Variants in SAMSN1 observed in about 807,000 individuals in gnomAD.
SAMSN1 encodes the protein SAM domain, SH3 domain and nuclear localization signals 1, also known as SAM domain-containing protein SAMSN-1.
In SAMSN1, 31 loss-of-function variants were observed where a neutral mutation model predicts 42.0. The observed-to-expected ratio is 0.74, with a 90% CI of 0.55 to 1.00. The LOEUF is 1.00. Ranked by LOEUF, SAMSN1 falls within the 50% of genes least tolerant of loss-of-function variation. The pLI is 0.00. For missense variants in SAMSN1, 464 were observed against 439.4 expected (o/e 1.06, Z -0.50); for synonymous variants, 178 against 151.9 (o/e 1.17, Z -1.26).
At chr21:14,530,282 G>C (rs1028390489) in intron 1 of SAMSN1, among the ~76,000 whole-genome samples, 5 of 134,936 alleles carry the variant, frequency 3.7e-5, no homozygotes, top group Non-Finnish European at 7.6e-5. Flanking sequence ...GAGCCAATGC[G>C]CTCCAGCCTG....
intron 7 of SAMSN1, among the ~76,000 whole-genome samples, chr21:14,487,828 G>T (rs1986502028): frequency 6.6e-6 from 1 of 152,034 alleles, no homozygotes; most frequent in Non-Finnish European, 1.5e-5. Flanking sequence ...ACTAGTTCTA[G>T]ATATAAGATG....
At position 14,512,357 on chromosome 21, in the gene SAMSN1, C is replaced by T; in HGVS notation, c.409+87G>A. 5 of 1,395,402 alleles carry T rather than the reference C, an allele frequency of 3.6e-6. No individual in the cohort carries two copies. In the African/African-American group the frequency reaches 4.3e-5, roughly 12 times the overall value. 86.4% of individuals were successfully genotyped at this position (1,395,402 alleles called of 1,614,324 possible). On this transcript the variant is annotated intron_variant, in intron 4 of 7. Transcript: ENST00000400566. ...CATTTCTCTTATCAAGTAGCTGGAACCTTGTGGCTGATTTAACTTGTTGTT... is the reference window on the plus strand; with the variant it reads ...CATTTCTCTTATCAAGTAGCTGGAATCTTGTGGCTGATTTAACTTGTTGTT...
chr21:14,552,407 G>A (rs1236333797), intron 2 of SAMSN1, among the ~76,000 whole-genome samples: 1 of 152,048 alleles, frequency 6.6e-6, no homozygotes, highest in Admixed American at 6.6e-5. Flanking sequence ...AGTAGGTAGG[G>A]CTTTTGGGAG....
chr21:14,505,237 TAGTACC>T (rs1987346746), intron 5 of SAMSN1, among the ~76,000 whole-genome samples: 1 of 152,150 alleles, frequency 6.6e-6, no homozygotes, highest in East Asian at 1.9e-4. Flanking sequence ...ATGAATGGAA[TAGTACC>T]TCATATCTCA....
intron 2 of SAMSN1, among the ~76,000 whole-genome samples, chr21:14,571,932 T>C (rs1220084166): frequency 1.3e-5 from 2 of 152,148 alleles, no homozygotes; most frequent in Non-Finnish European, 1.5e-5. Flanking sequence ...AGGGAGATAA[T>C]TGGGCAAACT....
At position 14,577,280 on chromosome 21, in the gene SAMSN1, A is replaced by ATT. The variant is rs1568816249; in HGVS notation, c.261+4855_261+4856insAA. On this transcript the variant is annotated intron_variant, in intron 2 of 8. Coordinates refer to the SAMSN1 transcript ENST00000285670. ...TATATATATATATATATATATATAT[A>ATT]TATATTTTTTTTTTAGAAGAGACAG... Among the ~76,000 whole-genome samples, 58 of 48,406 alleles carry ATT rather than the reference A, an allele frequency of 1.2e-3. 5 individuals carry two copies. Among genetic ancestry groups the ATT allele is most frequent in the African/African-American group, 7.1e-3 (53 of 7,492 alleles). 31.8% of individuals were successfully genotyped at this position (48,406 alleles called of 152,430 possible). A position where few individuals can be genotyped will look rare whatever the true frequency, so the allele number is the denominator to read the frequency against.
chr21:14,486,615 A>G (rs1986448901), intron 7 of SAMSN1, among the ~76,000 whole-genome samples: 2 of 152,212 alleles, frequency 1.3e-5, no homozygotes, highest in African/African-American at 4.8e-5. Flanking sequence ...AATGTACAGT[A>G]GGACTTCAAT....
Position 14,504,936 on chromosome 21 carries a change from C to G in SAMSN1, c.562-4201G>C, listed in dbSNP as rs576984117. 1.8e-4 allele frequency among the ~76,000 whole-genome samples: 27 copies of G among 152,306 alleles called. No individual in the cohort carries two copies. In the East Asian group the frequency reaches 4.1e-3, roughly 23 times the overall value. On this transcript the variant is annotated intron_variant, in intron 5 of 7. Coordinates refer to ENST00000400566, the MANE Select transcript of SAMSN1 (RefSeq NM_022136.5). ...CCCAACACGCTAGAAGGGATTGGGACCCTGTCTTCAGCCTTCTCAAACAAG... is the reference window on the plus strand; with the variant it reads ...CCCAACACGCTAGAAGGGATTGGGAGCCTGTCTTCAGCCTTCTCAAACAAG...
At chr21:14,511,664 G>T (rs1445777031) in intron 4 of SAMSN1, among the ~76,000 whole-genome samples, 1 of 152,168 alleles carries the variant, frequency 6.6e-6, no homozygotes, top group Non-Finnish European at 1.5e-5. Context: ...ACCCTGAAAA[G>T]ATTAGAGAGA....
At chr21:14,501,306 T>G (rs1456541467) in intron 5 of SAMSN1, among the ~76,000 whole-genome samples, 1 of 152,224 alleles carries the variant, frequency 6.6e-6, no homozygotes, top group African/African-American at 2.4e-5. Flanking sequence ...AAAACACTTT[T>G]GCCTACTCTA....
At chr21:14,583,174 A>C (rs113780269) in intron 1 of SAMSN1, 2,264 of 152,726 alleles carry the variant, frequency 0.015, 65 homozygotes, top group African/African-American at 0.051. Flanking sequence ...AAATAGAAAT[A>C]TATATCACCC....
chr21:14,515,048 T>C (rs1987844983), intron 3 of SAMSN1, among the ~76,000 whole-genome samples: 1 of 151,818 alleles, frequency 6.6e-6, no homozygotes, highest in Non-Finnish European at 1.5e-5. Context: ...GAAGAAGAAA[T>C]GCCAGAAGCA....
At chr21:14,529,705 A>AG (rs1857943333) in intron 1 of SAMSN1, among the ~76,000 whole-genome samples, 1 of 152,236 alleles carries the variant, frequency 6.6e-6, no homozygotes, top group South Asian at 2.1e-4. Flanking sequence ...ACACAAATAT[A>AG]GAATCAATTC....
At chr21:14,522,363 G>T (rs531012149) in intron 1 of SAMSN1, among the ~76,000 whole-genome samples, 1 of 151,908 alleles carries the variant, frequency 6.6e-6, no homozygotes, top group South Asian at 2.1e-4. Flanking sequence ...TCTGATGTTG[G>T]GTTCTTTGTG....
chr21:14,573,174 G>A (rs186220157), intron 2 of SAMSN1, among the ~76,000 whole-genome samples: 1 of 152,178 alleles, frequency 6.6e-6, no homozygotes, highest in East Asian at 1.9e-4. Context: ...GGGTGATGGT[G>A]GCAAAAGCAG....
At chr21:14,498,310 A>G in intron 7 of SAMSN1, 132 bp downstream of exon 7, 1 of 737,372 alleles carries the variant, frequency 1.4e-6, no homozygotes, top group South Asian at 2.1e-5. Context: ...AACTTATATG[A>G]AAATACCTAT....
chr21:14,649,047 T>C (rs1983774626), intron 1 of SAMSN1, among the ~76,000 whole-genome samples: 1 of 151,908 alleles, frequency 6.6e-6, no homozygotes, highest in South Asian at 2.1e-4. Flanking sequence ...TGGACTGGAT[T>C]AAGAAAATGT....
upstream of SAMSN1, chr21:14,585,581 C>T (rs1981892689): frequency 6.6e-6 from 1 of 152,148 alleles, no homozygotes; most frequent in South Asian, 2.1e-4. Context: ...AACAAACTGA[C>T]CTTTCATTAT....
At chr21:14,554,421 A>G (rs1192571417) in intron 2 of SAMSN1, among the ~76,000 whole-genome samples, 1 of 152,156 alleles carries the variant, frequency 6.6e-6, no homozygotes, top group Non-Finnish European at 1.5e-5. Context: ...AGTAACAAGC[A>G]AATACTTGGA....
Sources: allele counts gnomAD v4.1 joint callset (sites outside exome capture counted in the v4.1 genomes callset), GRCh38; gene constraint gnomAD v4.1.1; transcripts MANE v1.5; gene names NCBI Gene and HGNC (gene_info 2026-07-23, HGNC 2026-07-21).